ASIC2: variants seen among roughly 807,000 people sequenced by gnomAD.
ASIC2 encodes acid-sensing ion channel 2.
In ASIC2, 25 loss-of-function variants were observed where a neutral mutation model predicts 57.3. The observed-to-expected ratio is 0.44, with a 90% confidence interval of 0.32 to 0.61. The LOEUF (loss-of-function observed/expected upper bound fraction) is 0.61, where lower values mean the gene tolerates loss of function less well. Among genes scored for constraint, ASIC2 ranks in the 20% least tolerant of loss-of-function variants. ASIC2 has a pLI of 0.06. For missense variants in ASIC2, 641 were observed against 738.1 expected (o/e 0.87, Z 1.52); for synonymous variants, 319 against 307.5 (o/e 1.04, Z -0.39).
intron 1 of ASIC2, among the ~76,000 whole-genome samples, chr17:33,709,838 C>T (rs1434542705): frequency 6.6e-6 from 1 of 152,218 alleles, no homozygotes; most frequent in African/African-American, 2.4e-5. Context: ...AACCACTTAA[C>T]ATTTTTAAGC....
rs141485558 is a variant in ASIC2 at position 34,128,477 on chromosome 17, TGTGATA to T, written c.555+27495_555+27500del. On this transcript the variant is annotated intron_variant, in intron 1 of 9. Transcript: ENST00000359872. Reference sequence around the variant, plus strand: ...TCCCCTGCAAACCACACTTATTCAATGTGATAGTAGAGGAGGAGGGGCCTGTTTATG... The same window carrying T: ...TCCCCTGCAAACCACACTTATTCAATGTAGAGGAGGAGGGGCCTGTTTATG... Among the ~76,000 whole-genome samples the T allele has an allele frequency of 7.8e-3, 1,187 of 152,282 alleles. 9 individuals are homozygous for T. The highest frequency in any genetic ancestry group is 0.02 in the South Asian group (96 of 4,826).
chr17:33,627,077 T>A (rs1187906453), intron 1 of ASIC2: 1 of 152,254 alleles, frequency 6.6e-6, no homozygotes, highest in Non-Finnish European at 1.5e-5. Flanking sequence ...GATTTGCACT[T>A]CCCTGAGCAA....
intron 1 of ASIC2, among the ~76,000 whole-genome samples, chr17:33,871,364 T>C (rs1300395648): frequency 1.3e-5 from 2 of 152,154 alleles, no homozygotes; most frequent in Admixed American, 6.5e-5. Context: ...TAAAGCTAAC[T>C]ACCTGCGGCA....
At chr17:33,123,360 A>T (rs1256900323) in intron 1 of ASIC2, among the ~76,000 whole-genome samples, 1 of 152,240 alleles carries the variant, frequency 6.6e-6, no homozygotes, top group Non-Finnish European at 1.5e-5. Flanking sequence ...AAATCTAGAT[A>T]AATAAGACAT....
intron 1 of ASIC2, among the ~76,000 whole-genome samples, chr17:33,345,514 T>TG (rs1383477663): frequency 2.6e-5 from 4 of 152,168 alleles, no homozygotes; most frequent in African/African-American, 9.7e-5. Context: ...AACAGGGTGA[T>TG]GTGCTTGAGT....
At chr17:33,247,449 T>C (rs1908728445) in intron 1 of ASIC2, among the ~76,000 whole-genome samples, 1 of 152,200 alleles carries the variant, frequency 6.6e-6, no homozygotes, top group African/African-American at 2.4e-5. Flanking sequence ...CTAAGTTTAT[T>C]TGGTTTTCAT....
chr17:33,720,493 T>C (rs1597849075), intron 1 of ASIC2, among the ~76,000 whole-genome samples: 1 of 152,214 alleles, frequency 6.6e-6, no homozygotes, highest in Non-Finnish European at 1.5e-5. Flanking sequence ...ACTTAAGGCA[T>C]GTACTGACTC....
chr17:33,212,045 G>T (rs1450399193), intron 1 of ASIC2, among the ~76,000 whole-genome samples: 2 of 152,152 alleles, frequency 1.3e-5, no homozygotes, highest in East Asian at 3.8e-4. Flanking sequence ...AGTTACACAG[G>T]TAGCAAGCGC....
intron 3 of ASIC2, among the ~76,000 whole-genome samples, chr17:33,078,131 A>T (rs1446193878): frequency 3.3e-5 from 5 of 152,120 alleles, no homozygotes; most frequent in Admixed American, 2.0e-4. Context: ...AGTAAGATAA[A>T]GTAGGTGAGT....
At chr17:33,807,197 C>A (rs1375561534) in intron 1 of ASIC2, among the ~76,000 whole-genome samples, 1 of 152,202 alleles carries the variant, frequency 6.6e-6, no homozygotes, top group Non-Finnish European at 1.5e-5. Flanking sequence ...GTGACTAAAT[C>A]AGTGGTCGTT....
At chr17:33,047,093 T>A (rs2141924205) in intron 3 of ASIC2, among the ~76,000 whole-genome samples, 1 of 152,394 alleles carries the variant, frequency 6.6e-6, no homozygotes, top group Non-Finnish European at 1.5e-5. Context: ...AAAATTCATC[T>A]TTTATTGTCC....
At chr17:33,205,064 G>A (rs751517310) in intron 1 of ASIC2, among the ~76,000 whole-genome samples, 3 of 152,198 alleles carry the variant, frequency 2.0e-5, no homozygotes, top group Non-Finnish European at 2.9e-5. Flanking sequence ...TGCCCTCACC[G>A]ATACAGAGCC....
rs1555590396 is a variant in ASIC2, at chr17:33,269,759, C to CTTCCTTCCTTCCTTCT, written c.708+21633_708+21648dup. Among the ~76,000 whole-genome samples, 353 of 145,240 alleles carry CTTCCTTCCTTCCTTCT rather than the reference C, an allele frequency of 2.4e-3. 6 individuals are homozygous for CTTCCTTCCTTCCTTCT. The highest frequency in any genetic ancestry group is 8.7e-3 in the African/African-American group (330 of 38,082). On this transcript the variant is annotated intron_variant, in intron 1 of 9. Transcript: ENST00000225823. ...CCTTCCTTCCTTCCTTCTTTCCTTC[C>CTTCCTTCCTTCCTTCT]TTCCTTCCTTCCTTCTTTCCTTTTT... is the stretch of plus-strand genomic sequence containing the variant.
intron 1 of ASIC2, among the ~76,000 whole-genome samples, chr17:33,464,478 TTC>T (rs201571458): frequency 2.7e-5 from 2 of 73,992 alleles, no homozygotes; most frequent in Non-Finnish European, 5.2e-5. Context: ...TTTCTTTCTT[TTC>T]TCTCTTTCTT....
chr17:33,879,498 G>A (rs1215457981), intron 1 of ASIC2, among the ~76,000 whole-genome samples: 1 of 152,142 alleles, frequency 6.6e-6, no homozygotes, highest in Non-Finnish European at 1.5e-5. Flanking sequence ...AAGATCAAAA[G>A]AGACAAAGAA....
chr17:33,479,356 A>AT (rs905808444), intron 1 of ASIC2, among the ~76,000 whole-genome samples: 3 of 151,540 alleles, frequency 2.0e-5, no homozygotes, highest in Admixed American at 6.6e-5. Context: ...AGGGAAAGAG[A>AT]TTTTTTTTTA....
intron 1 of ASIC2, among the ~76,000 whole-genome samples, chr17:33,325,285 AAC>A (rs1907030488): frequency 6.6e-6 from 1 of 152,224 alleles, no homozygotes; most frequent in African/African-American, 2.4e-5. Flanking sequence ...CTCAGAGCAC[AAC>A]ACAAGGTGAC....
chr17:33,989,976 C>G lies in ASIC2; in HGVS notation c.555+166002G>C, dbSNP rs563625791. ...GATATTGACAAGGACAGCTGGTCAG[C>G]CCTTCGTGCATAATTAGCATGCAGG... On this transcript the variant is annotated intron_variant, in intron 1 of 9. Coordinates refer to the ASIC2 transcript ENST00000359872. Among the ~76,000 whole-genome samples the G allele has an allele frequency of 2.0e-5, 3 of 152,256 alleles. No individual in the cohort carries two copies. The South Asian group carries it at 6.2e-4, about 32-fold the overall frequency.
intron 1 of ASIC2, among the ~76,000 whole-genome samples, chr17:33,628,992 TC>T (rs1906076625): frequency 6.6e-6 from 1 of 152,108 alleles, no homozygotes; most frequent in Non-Finnish European, 1.5e-5. Flanking sequence ...GTTCTCCCCA[TC>T]CAAAGTCCTC....
Sources: gnomAD v4.1 joint callset for allele counts (sites outside exome capture counted in the v4.1 genomes callset) on GRCh38, gnomAD v4.1.1 for gene constraint, MANE v1.5 for transcripts, NCBI Gene and HGNC (gene_info 2026-07-23, HGNC 2026-07-21) for gene names.